The following SETD7 variants were observed in gnomAD, a reference collection of about 807,000 sequenced individuals.
SETD7 encodes the protein SET domain containing 7, histone lysine methyltransferase.
SETD7 carries 16 observed loss-of-function variants against 41.8 expected under a neutral mutation model. That is an observed-to-expected ratio of 0.38 (90% CI 0.26 to 0.58). The LOEUF is 0.58. Ranked by LOEUF, SETD7 falls within the 20% of genes least tolerant of loss-of-function variation. The probability of loss-of-function intolerance (pLI) is 0.64; values close to 1 mark genes in which losing one functional copy is unlikely to be tolerated. For missense variants in SETD7, 346 were observed against 459.7 expected (o/e 0.75, Z 2.26); for synonymous variants, 163 against 169.7 (o/e 0.96, Z 0.31).
chr4:139,532,319 A>G (rs1727502700), intron 3 of SETD7, among the ~76,000 whole-genome samples: 1 of 152,164 alleles, frequency 6.6e-6, no homozygotes, highest in South Asian at 2.1e-4. Context: ...TAGGCCTGTA[A>G]TCCCAGCTAC....
chr4:139,528,617 G>T (rs1186998370), intron 4 of SETD7, among the ~76,000 whole-genome samples: 1 of 152,198 alleles, frequency 6.6e-6, no homozygotes, highest in East Asian at 1.9e-4. Context: ...TGAGTAAAGT[G>T]CCACCATGTC....
chr4:139,530,690 C>T (rs1727461562), intron 3 of SETD7, among the ~76,000 whole-genome samples: 1 of 152,276 alleles, frequency 6.6e-6, no homozygotes, highest in African/African-American at 2.4e-5. Context: ...CAGGGTCTCA[C>T]ACCTTTCCCC....
chr4:139,535,400 C>T (rs908844733), intron 2 of SETD7, among the ~76,000 whole-genome samples: 1 of 152,100 alleles, frequency 6.6e-6, no homozygotes, highest in Non-Finnish European at 1.5e-5. Flanking sequence ...TTTTTATTTG[C>T]TCATCCTGGC....
chr4:139,531,483 G>A (rs1414493137), intron 3 of SETD7, among the ~76,000 whole-genome samples: 2 of 152,092 alleles, frequency 1.3e-5, no homozygotes, highest in African/African-American at 2.4e-5. Context: ...GGCTACTCAC[G>A]AGGCCAGGTT....
intron 7 of SETD7, among the ~76,000 whole-genome samples, chr4:139,499,875 T>G (rs1726535035): frequency 6.6e-6 from 1 of 152,208 alleles, no homozygotes; most frequent in Non-Finnish European, 1.5e-5. Flanking sequence ...AAGAAAGGAA[T>G]GCATGCTCAG....
rs150995739 is a variant in SETD7, at chr4:139,506,082, A to G, written c.*5581T>C. 1.3e-5 allele frequency: 2 copies of G among 152,780 alleles called. No homozygotes were observed. Among genetic ancestry groups the G allele is most frequent in the African/African-American group, 2.4e-5 (1 of 41,584 alleles). The allele number at this position is 152,780 out of a possible 1,614,324, so 9.5% of individuals were successfully genotyped here. On this transcript the variant is annotated 3_prime_UTR_variant, in exon 8 of 8. Coordinates refer to ENST00000274031, the MANE Select transcript of SETD7 (RefSeq NM_030648.4). ...ATACTTGCATTGTTTCTATAGCGCA[A>G]TTATAGCAATCTTTAAATTTACTTT...
chr4:139,535,345 G>A (rs965944272), intron 2 of SETD7, among the ~76,000 whole-genome samples: 9 of 151,862 alleles, frequency 5.9e-5, no homozygotes, highest in African/African-American at 2.2e-4. Flanking sequence ...TACTTTTTTT[G>A]TTGAGCAAAT....
chr4:139,494,679 GTAT>G (rs1170260305), downstream of SETD7, among the ~76,000 whole-genome samples: 2 of 152,334 alleles, frequency 1.3e-5, no homozygotes. Context: ...CAGAAGTTCA[GTAT>G]TATTAATATC....
At chr4:139,495,504 G>A (rs1487503870), downstream of SETD7, among the ~76,000 whole-genome samples, 1 of 151,780 alleles carries the variant, frequency 6.6e-6, no homozygotes, top group Non-Finnish European at 1.5e-5. Context: ...GAGGCCTCAG[G>A]AAACTTACAA....
chr4:139,538,735 A>G (rs1727706456), intron 2 of SETD7, among the ~76,000 whole-genome samples: 1 of 151,454 alleles, frequency 6.6e-6, no homozygotes, highest in South Asian at 2.1e-4. Flanking sequence ...GTATTTTCTT[A>G]AAGTTCCTTT....
At chr4:139,497,122 C>T (rs867141040) in intron 7 of SETD7, among the ~76,000 whole-genome samples, 2 of 152,216 alleles carry the variant, frequency 1.3e-5, no homozygotes, top group East Asian at 3.9e-4. Flanking sequence ...TTACTGTAGG[C>T]GCCAGAAGTG....
chr4:139,499,055 C>G (rs765790812), intron 7 of SETD7, among the ~76,000 whole-genome samples: 9 of 152,200 alleles, frequency 5.9e-5, no homozygotes, highest in Non-Finnish European at 1.2e-4. Context: ...AAGCAAGAGT[C>G]TGTCTCAAAA....
chr4:139,540,404 A>G (rs1156857791), intron 2 of SETD7, among the ~76,000 whole-genome samples: 1 of 152,224 alleles, frequency 6.6e-6, no homozygotes, highest in African/African-American at 2.4e-5. Flanking sequence ...AAAGAATGGA[A>G]GAAAGGCAGT....
chr4:139,515,900 G>A (rs1460599840), intron 7 of SETD7, among the ~76,000 whole-genome samples: 1 of 152,194 alleles, frequency 6.6e-6, no homozygotes, highest in Admixed American at 6.5e-5. Context: ...AAGGTTGCAG[G>A]CAGCTCACTG....
rs988411130 is a variant in SETD7 at position 139,510,393 on chromosome 4, G to A, written c.*1270C>T. 3.9e-5 allele frequency: 6 copies of A among 152,204 alleles called. No individual in the cohort carries two copies. Among genetic ancestry groups the A allele is most frequent in the Non-Finnish European group, 8.8e-5 (6 of 68,034 alleles). The allele number at this position is 152,204 out of a possible 1,614,324, so 9.4% of individuals were successfully genotyped here. A position where few individuals can be genotyped will look rare whatever the true frequency, so the allele number is the denominator to read the frequency against. On this transcript the variant is annotated 3_prime_UTR_variant, in exon 8 of 8. Transcript: ENST00000274031. ...CCCAGTGATGTTACAGATCTAATTAGCTAAACTAAAAAAACAGGGGTTTTC... is the reference window on the plus strand; with the variant it reads ...CCCAGTGATGTTACAGATCTAATTAACTAAACTAAAAAAACAGGGGTTTTC...
downstream of SETD7, among the ~76,000 whole-genome samples, chr4:139,493,540 A>G (rs1037195038): frequency 2.9e-4 from 40 of 139,894 alleles, no homozygotes; most frequent in African/African-American, 8.4e-4. Context: ...GTACTTTACT[A>G]TTTTTTTTTT....
intron 4 of SETD7, among the ~76,000 whole-genome samples, chr4:139,525,901 T>A (rs1027648833): frequency 3.9e-5 from 6 of 152,192 alleles, no homozygotes; most frequent in African/African-American, 1.4e-4. Context: ...TTCCTGGCCC[T>A]TTTGAGGCTC....
At chr4:139,523,756 C>G (rs1727243615) in intron 4 of SETD7, among the ~76,000 whole-genome samples, 2 of 152,162 alleles carry the variant, frequency 1.3e-5, no homozygotes, top group South Asian at 4.1e-4. Context: ...TCTCTTGGCT[C>G]AGATCAAATT....
chr4:139,506,712 C>A lies in SETD7; in HGVS notation c.*4951G>T, dbSNP rs1461356879. 6.6e-6 allele frequency: 1 copy of A among 152,584 alleles called. No individual in the cohort carries two copies. Among genetic ancestry groups the A allele is most frequent in the Non-Finnish European group, 1.5e-5 (1 of 68,038 alleles). 9.5% of individuals were successfully genotyped at this position (152,584 alleles called of 1,614,324 possible). On this transcript the variant is annotated 3_prime_UTR_variant, in exon 8 of 8. Transcript: ENST00000274031. ...GGACCAAAGTGGAAAAAAAACCCCA[C>A]TCAAGTTGAATATCATCATAAAGGA...
Sources: allele counts gnomAD v4.1 joint callset (sites outside exome capture counted in the v4.1 genomes callset), GRCh38; gene constraint gnomAD v4.1.1; transcripts MANE v1.5; gene names NCBI Gene and HGNC (gene_info 2026-07-23, HGNC 2026-07-21).